The following EFTUD2 variants were observed in gnomAD, a reference collection of about 807,000 sequenced individuals.
EFTUD2 encodes elongation factor Tu GTP binding domain containing 2, also known as 116 kDa U5 small nuclear ribonucleoprotein component.
In EFTUD2, 9 loss-of-function variants were observed where a neutral mutation model predicts 114.3. The observed-to-expected ratio is 0.08, with a 90% CI of 0.05 to 0.14. EFTUD2 has a LOEUF of 0.14. Ranked by LOEUF, EFTUD2 falls within the 10% of genes least tolerant of loss-of-function variation. The pLI is 1.00. For synonymous variants in EFTUD2, 449 were observed against 462.3 expected, an observed-to-expected ratio of 0.97 and a Z score of 0.37; for missense variants, 765 against 1,241.2, an observed-to-expected ratio of 0.62 and a Z score of 5.76.
Position 44,853,695 on chromosome 17 carries a change from G to A in EFTUD2, c.2348-60C>T, listed in dbSNP as rs145347696. ...GTTCTGGGCCTGTCATGGGGCCATG[G>A]CAGAGTAGCAGTCTCCTGCAACACT... On this transcript the variant is annotated intron_variant, in intron 23 of 27. Transcript: ENST00000426333. The A allele has an allele frequency of 2.3e-4, 360 of 1,595,700 alleles. 7 individuals are homozygous for A. In the East Asian group the frequency reaches 8.1e-3, roughly 36 times the overall value.
At chr17:44,865,109 A>G (rs746909245) in intron 13 of EFTUD2, 44 bp from the exon 14 acceptor site, 1 of 1,612,430 alleles carries the variant, frequency 6.2e-7, no homozygotes, top group South Asian at 1.1e-5. Flanking sequence ...TGAGAGCCTG[A>G]GCATGGTGCT....
chr17:44,883,082 G>C lies in EFTUD2; in HGVS notation c.492+11C>G, dbSNP rs2051102315. On this transcript the variant is annotated intron_variant, in intron 6 of 27. Coordinates refer to ENST00000426333, the MANE Select transcript of EFTUD2 (RefSeq NM_004247.4). ...GGTTCATCCTAAACCCTCAACAGAA[G>C]TTCTACTTACATCTTGGTCATAGCG... 1 of 1,614,048 alleles carries C rather than the reference G, an allele frequency of 6.2e-7. No individual in the cohort carries two copies. The highest frequency in any genetic ancestry group is 2.2e-5 in the East Asian group (1 of 44,870).
At chr17:44,877,428 C>T (rs1417266586) in intron 9 of EFTUD2, among the ~76,000 whole-genome samples, 1 of 152,204 alleles carries the variant, frequency 6.6e-6, no homozygotes, top group Admixed American at 6.5e-5. Context: ...CAGATTATAA[C>T]TCACTGAATA....
chr17:44,883,765 C>T lies in EFTUD2; in HGVS notation c.351-41G>A, dbSNP rs377352606. ...AAAAGAGAAAAGAGAGATTGGCAAA[C>T]GTTTCCAAATGAGGAGTGGTGTAAA... On this transcript the variant is annotated intron_variant, in intron 4 of 27. Coordinates refer to ENST00000426333, the MANE Select transcript of EFTUD2 (RefSeq NM_004247.4). The T allele has an allele frequency of 1.0e-4, 161 of 1,602,354 alleles. 1 individual carries two copies. In the Middle Eastern group the frequency reaches 2.3e-3, roughly 23 times the overall value.
intron 18 of EFTUD2, chr17:44,859,451 C>G: frequency 1.8e-6 from 1 of 546,162 alleles, no homozygotes; most frequent in Non-Finnish European, 3.3e-6. Context: ...CTACCCTATA[C>G]CCATGGACAT....
At chr17:44,886,503 C>A in intron 3 of EFTUD2, 82 bp downstream of exon 3, 1 of 1,554,388 alleles carries the variant, frequency 6.4e-7, no homozygotes, top group Non-Finnish European at 8.7e-7. Flanking sequence ...AATTCATTCA[C>A]TGAACTTTTA....
rs7223598 is a variant in EFTUD2, at chr17:44,880,263, T to A, written c.619+291A>T. 0.26 allele frequency among the ~76,000 whole-genome samples: 39,768 copies of A among 152,054 alleles called. 5,262 individuals carry two copies. The highest frequency in any genetic ancestry group is 0.28 in the Non-Finnish European group (19,084 of 67,954). On this transcript the variant is annotated intron_variant, in intron 8 of 27. Transcript: ENST00000426333. ...GGACTGGCTCTGACTCACCTTTAGC[T>A]CCCCAGCAGATAGCATGGGGCCTGA...
chr17:44,850,329 C>T lies in EFTUD2; in HGVS notation c.*945G>A, dbSNP rs547163012. The T allele has an allele frequency of 9.9e-6, 16 of 1,611,466 alleles. No homozygotes were observed. Among genetic ancestry groups the T allele is most frequent in the Admixed American group, 1.7e-5 (1 of 59,842 alleles). The stretch of plus-strand genomic sequence containing the variant: ...GGGGCATTATTTCTTTTCTCTCACA[C>T]AGGTGCTGTGTACACAATGTACAGC... On this transcript the variant is annotated 3_prime_UTR_variant, in exon 28 of 28. Transcript: ENST00000426333.
At chr17:44,884,816 G>A (rs1250837783) in intron 4 of EFTUD2, among the ~76,000 whole-genome samples, 2 of 152,124 alleles carry the variant, frequency 1.3e-5, no homozygotes, top group Non-Finnish European at 2.9e-5. Flanking sequence ...GAGCCTGGGA[G>A]GTCAAGGCTG....
At position 44,860,677 on chromosome 17, in the gene EFTUD2, C is replaced by T; in HGVS notation, c.1608-134G>A. Reference sequence around the variant, plus strand: ...GCAGTGGCACAATCTTGGCTCACTGCAGCCTCGAACTTCCAAGGTTCCAGT... The same window carrying T: ...GCAGTGGCACAATCTTGGCTCACTGTAGCCTCGAACTTCCAAGGTTCCAGT... On this transcript the variant is annotated intron_variant, in intron 16 of 27. Coordinates refer to ENST00000426333, the MANE Select transcript of EFTUD2 (RefSeq NM_004247.4). 3.3e-6 allele frequency: 2 copies of T among 612,476 alleles called. 1 individual carries two copies. Among genetic ancestry groups the T allele is most frequent in the South Asian group, 4.1e-5 (2 of 49,178 alleles). The allele number at this position is 612,476 out of a possible 1,614,324, so 37.9% of individuals were successfully genotyped here. A position where few individuals can be genotyped will look rare whatever the true frequency, so the allele number is the denominator to read the frequency against.
chr17:44,890,959 G>T (rs1265489659), intron 2 of EFTUD2, among the ~76,000 whole-genome samples: 1 of 152,126 alleles, frequency 6.6e-6, no homozygotes, highest in Non-Finnish European at 1.5e-5. Context: ...ATGTACACTG[G>T]ATTATTAATT....
chr17:44,857,815 C>G (rs1053631582), intron 19 of EFTUD2, among the ~76,000 whole-genome samples: 2 of 152,164 alleles, frequency 1.3e-5, no homozygotes, highest in Non-Finnish European at 2.9e-5. Flanking sequence ...ACCACCCACT[C>G]TGAGACCTAA....
chr17:44,891,112 A>G (rs1327528904), intron 2 of EFTUD2, among the ~76,000 whole-genome samples: 3 of 152,318 alleles, frequency 2.0e-5, no homozygotes, highest in Middle Eastern at 3.4e-3. Context: ...TGCACCACTC[A>G]TCATGATGCT....
intron 2 of EFTUD2, among the ~76,000 whole-genome samples, chr17:44,890,149 G>A (rs1567754641): frequency 1.3e-5 from 2 of 151,580 alleles, no homozygotes; most frequent in South Asian, 2.1e-4. Flanking sequence ...CCACCCAGGC[G>A]CATGCCACCA....
chr17:44,853,556 G>A lies in EFTUD2; in HGVS notation c.2427C>T (p.Ile809=), dbSNP rs2050493721. The A allele has an allele frequency of 1.2e-6, 2 of 1,614,200 alleles. No individual in the cohort carries two copies. The highest frequency in any genetic ancestry group is 1.7e-6 in the Non-Finnish European group (2 of 1,180,038). The change falls in exon 24 of 28, where the codon ATC becomes ATT. Residue 809 remains isoleucine, a synonymous_variant. Coordinates refer to ENST00000426333, the MANE Select transcript of EFTUD2 (RefSeq NM_004247.4). The part of the protein sequence containing the change: ...EPLHRGGGQI[I]PTARRVVYSA... ...AGTAGACGACTCTCCTGGCTGTGGGGATGATCTGGCCCCCGCCCCGGTGCA... is the reference window on the plus strand; with the variant it reads ...AGTAGACGACTCTCCTGGCTGTGGGAATGATCTGGCCCCCGCCCCGGTGCA...
chr17:44,886,427 T>G (rs2051174330), intron 3 of EFTUD2, among the ~76,000 whole-genome samples, 158 bp downstream of exon 3: 1 of 152,124 alleles, frequency 6.6e-6, no homozygotes, highest in Non-Finnish European at 1.5e-5. Context: ...TTACTGAATA[T>G]TAAAAAAGGA....
chr17:44,852,482 A>C lies in EFTUD2; in HGVS notation c.2642T>G (p.Phe881Cys). The change falls in exon 26 of 28, where the codon TTT becomes TGT. Residue 881 changes from phenylalanine to cysteine, a missense_variant. By Grantham distance (205) the Phe-to-Cys change is radical. This residue lies in a region of EFTUD2 where 166 missense variants were observed against 401.5 expected (regional missense o/e 0.41). Transcript: ENST00000426333. ...AGTCCGGAGATCAGTCTCAAAGCCAAAAGAGTCGATGGCCGGGATAAAAGC... is the reference window on the plus strand; with the variant it reads ...AGTCCGGAGATCAGTCTCAAAGCCACAAGAGTCGATGGCCGGGATAAAAGC... ...IKAFIPAIDS[F>C]GFETDLRTHT... The C allele has an allele frequency of 6.2e-7, 1 of 1,614,184 alleles. No homozygotes were observed. Among genetic ancestry groups the C allele is most frequent in the Non-Finnish European group, 8.5e-7 (1 of 1,180,024 alleles).
Position 44,854,316 on chromosome 17 carries a change from A to G in EFTUD2, c.2300T>C (p.Val767Ala). The G allele has an allele frequency of 4.3e-6, 7 of 1,614,038 alleles. No individual in the cohort carries two copies. The highest frequency in any genetic ancestry group is 5.1e-6 in the Non-Finnish European group (6 of 1,179,978). Residue 767 changes from valine to alanine, a missense_variant, in exon 23 of 28, where the codon GTT (valine) becomes GCT (alanine). Physicochemically the swap from Val to Ala is moderately conservative, Grantham distance 64. This residue lies in a region of EFTUD2 where 166 missense variants were observed against 401.5 expected (regional missense o/e 0.41). Coordinates refer to ENST00000426333, the MANE Select transcript of EFTUD2 (RefSeq NM_004247.4). This position sits in a 1 kb window ranked among gnomAD's most constrained non-coding sequence, Gnocchi z 4.3. ...ALLGSVKDSI[V>A]QGFQWGTREG... ...CCTGGTTCCCCACTGGAAACCTTGA[A>G]CGATGCTGTCCTTCACTGAACCAAG...
Position 44,897,974 on chromosome 17 carries a change from A to T in EFTUD2, c.-5+1395T>A, listed in dbSNP as rs569511128. Among the ~76,000 whole-genome samples, 382 of 152,314 alleles carry T rather than the reference A, an allele frequency of 2.5e-3. 7 individuals are homozygous for T. Among genetic ancestry groups the T allele is most frequent in the Admixed American group, 0.023 (354 of 15,284 alleles). ...ACTGGATAAATGTTAACTGAATGGG[A>T]TGTTTAATTTTAAGATGCTGATATT... On this transcript the variant is annotated intron_variant, in intron 1 of 27. Transcript: ENST00000426333.
Sources: allele counts gnomAD v4.1 joint callset (sites outside exome capture counted in the v4.1 genomes callset), GRCh38; gene constraint gnomAD v4.1.1; regional missense constraint gnomAD v4.1.1; non-coding constraint Gnocchi (gnomAD v3.1); transcripts MANE v1.5; gene names NCBI Gene and HGNC (gene_info 2026-07-23, HGNC 2026-07-21).